DEPDC4: variants seen among roughly 807,000 people sequenced by gnomAD.
DEPDC4 encodes DEP domain-containing protein 4.
In DEPDC4, 52 loss-of-function variants were observed where a neutral mutation model predicts 52.0. The ratio of observed to expected loss-of-function variants is 1.00; its 90% CI spans 0.80 to 1.26. DEPDC4 has a LOEUF of 1.26. DEPDC4 is among the 50% of genes most tolerant of loss of function. DEPDC4 has a pLI of 0.00. For missense variants in DEPDC4, 530 were observed against 546.9 expected (o/e 0.97, Z 0.31); for synonymous variants, 201 against 196.8 (o/e 1.02, Z -0.18).
chr12:100,267,097 C>A (rs769863882), upstream of DEPDC4: 2 of 1,609,898 alleles, frequency 1.2e-6, no homozygotes, highest in East Asian at 4.5e-5. Flanking sequence ...CACCTGACAC[C>A]CGGGGCGGAG....
chr12:100,256,645 G>T lies in DEPDC4; in HGVS notation c.701-419C>A, dbSNP rs11110320. Among the ~76,000 whole-genome samples, 239 of 128,870 alleles carry T rather than the reference G, an allele frequency of 1.9e-3. 1 individual carries two copies. Among genetic ancestry groups the T allele is most frequent in the Non-Finnish European group, 2.8e-3 (166 of 58,302 alleles). 84.5% of individuals were successfully genotyped at this position (128,870 alleles called of 152,430 possible). ...TTTGTTTGTTTGTTTTGTGTTTTTT[G>T]TTTTTTTTTTTTTTGAGATGGAGTC... is the stretch of plus-strand genomic sequence containing the variant. On this transcript the variant is annotated intron_variant, in intron 3 of 9. Coordinates refer to ENST00000550587, the MANE Select transcript of DEPDC4 (RefSeq NM_001364818.2).
the DEPDC4 span, among the ~76,000 whole-genome samples, chr12:100,274,697 T>C: frequency 6.6e-6 from 1 of 152,224 alleles, no homozygotes; most frequent in Non-Finnish European, 1.5e-5. Flanking sequence ...TACTTTGTTT[T>C]AGTCAAGTGG....
Position 100,241,864 on chromosome 12 carries a change from A to C in DEPDC4, c.*47-19T>G, listed in dbSNP as rs1566308364. The C allele has an allele frequency of 1.8e-6, 2 of 1,134,374 alleles. No individual in the cohort carries two copies. The highest frequency in any genetic ancestry group is 1.1e-6 in the Non-Finnish European group (1 of 895,496). The allele number at this position is 1,134,374 out of a possible 1,614,324, so 70.3% of individuals were successfully genotyped here. On this transcript the variant is annotated intron_variant, in intron 9 of 9. Coordinates refer to ENST00000550587, the MANE Select transcript of DEPDC4 (RefSeq NM_001364818.2). ...GTAAAGCCTGGAAAAAAAAAAAAAA[A>C]ACAAAAGAAAAAGAAAAGTACCACT...
chr12:100,251,708 C>T (rs1382396666), intron 7 of DEPDC4, among the ~76,000 whole-genome samples: 1 of 152,128 alleles, frequency 6.6e-6, no homozygotes, highest in African/African-American at 2.4e-5. Flanking sequence ...GCTGGGATTA[C>T]AGGCACGCGC....
chr12:100,254,714 T>G (rs981799360), intron 4 of DEPDC4, among the ~76,000 whole-genome samples: 5 of 151,492 alleles, frequency 3.3e-5, no homozygotes, highest in African/African-American at 1.2e-4. Context: ...CCTCCCTCCT[T>G]CCCTCTCTTT....
intron 3 of DEPDC4, 62 bp downstream of exon 3, chr12:100,262,202 C>G: frequency 1.3e-6 from 2 of 1,523,378 alleles, no homozygotes; most frequent in Non-Finnish European, 1.8e-6. Flanking sequence ...CTTATAAGAA[C>G]CTGTTAAAAA....
chr12:100,265,831 A>G (rs2096270435), intron 1 of DEPDC4, among the ~76,000 whole-genome samples: 1 of 152,262 alleles, frequency 6.6e-6, no homozygotes, highest in African/African-American at 2.4e-5. Flanking sequence ...GTATGTAAAT[A>G]AATAGAAAGA....
intron 8 of DEPDC4, among the ~76,000 whole-genome samples, chr12:100,243,505 C>T (rs1332477603): frequency 1.3e-5 from 2 of 152,142 alleles, no homozygotes; most frequent in African/African-American, 4.8e-5. Flanking sequence ...CTACCCTTGG[C>T]ACTACACATT....
At chr12:100,252,985 C>T (rs764267898) in intron 5 of DEPDC4, among the ~76,000 whole-genome samples, 4 of 152,116 alleles carry the variant, frequency 2.6e-5, no homozygotes, top group Non-Finnish European at 4.4e-5. Flanking sequence ...GGCGCGATCT[C>T]GGCTCACTAC....
downstream of DEPDC4, among the ~76,000 whole-genome samples, chr12:100,239,973 C>G (rs917197799): frequency 2.0e-4 from 31 of 152,186 alleles, no homozygotes; most frequent in African/African-American, 7.2e-4. Flanking sequence ...GCCACCATGT[C>G]TGACTTCTTA....
chr12:100,269,417 TACC>T, upstream of DEPDC4, among the ~76,000 whole-genome samples: 1 of 152,236 alleles, frequency 6.6e-6, no homozygotes, highest in South Asian at 2.1e-4. Flanking sequence ...TATATGTTCT[TACC>T]ACACCATTGA....
At chr12:100,244,095 G>GTGTATATATA (rs1209030209) in intron 8 of DEPDC4, among the ~76,000 whole-genome samples, 2 of 51,646 alleles carry the variant, frequency 3.9e-5, no homozygotes, top group South Asian at 1.5e-3. Flanking sequence ...CTCTCTCTGT[G>GTGTATATATA]TATATATATA....
At chr12:100,261,808 C>G (rs912702567) in intron 3 of DEPDC4, 1 of 455,590 alleles carries the variant, frequency 2.2e-6, no homozygotes, top group Non-Finnish European at 4.4e-6. Flanking sequence ...CACTAATACA[C>G]TACTTAAATC....
intron 3 of DEPDC4, among the ~76,000 whole-genome samples, chr12:100,257,474 C>A (rs755361753): frequency 6.6e-6 from 1 of 152,110 alleles, no homozygotes; most frequent in Non-Finnish European, 1.5e-5. Context: ...CTCCCAGGTT[C>A]AGGAGGTTCA....
chr12:100,276,428 G>C, the DEPDC4 span, among the ~76,000 whole-genome samples: 170 of 152,158 alleles, frequency 1.1e-3, no homozygotes, highest in Non-Finnish European at 1.9e-3. Context: ...GATCTCCCAG[G>C]CTTAAGCAAT....
chr12:100,241,928 C>T, intron 9 of DEPDC4, 83 bp from the exon 10 acceptor site: 1 of 913,486 alleles, frequency 1.1e-6, no homozygotes, highest in Middle Eastern at 3.4e-4. Context: ...CTGTACTTAT[C>T]CAAACTGGTC....
chr12:100,269,775 A>G (rs965438341), upstream of DEPDC4, among the ~76,000 whole-genome samples: 1 of 152,150 alleles, frequency 6.6e-6, no homozygotes, highest in African/African-American at 2.4e-5. Flanking sequence ...TTTGCTGTTC[A>G]TCAGAATCAC....
chr12:100,243,589 C>T (rs1482593090), intron 8 of DEPDC4, among the ~76,000 whole-genome samples: 1 of 152,096 alleles, frequency 6.6e-6, no homozygotes, highest in Non-Finnish European at 1.5e-5. Flanking sequence ...TGATCCTATG[C>T]CCTCAAACTA....
At chr12:100,257,975 TGATAGATA>T (rs3054280) in intron 3 of DEPDC4, among the ~76,000 whole-genome samples, 58,512 of 149,080 alleles carry the variant, frequency 0.39, 11,943 homozygotes, top group East Asian at 0.68. Context: ...TAAAATGTAT[TGATAGATA>T]GATAGATAGA....
Sources: allele counts gnomAD v4.1 joint callset (sites outside exome capture counted in the v4.1 genomes callset), GRCh38; gene constraint gnomAD v4.1.1; transcripts MANE v1.5; gene names NCBI Gene and HGNC (gene_info 2026-07-23, HGNC 2026-07-21).